Variants in INPP4B observed in about 807,000 individuals in gnomAD.
The protein encoded by INPP4B is inositol polyphosphate 4-phosphatase type II.
A neutral mutation model predicts 122.5 loss-of-function variants in INPP4B; 55 were observed. The ratio of observed to expected loss-of-function variants is 0.45; its 90% CI spans 0.36 to 0.56. The LOEUF (loss-of-function observed/expected upper bound fraction) is 0.56. Among genes scored for constraint, INPP4B ranks in the 20% least tolerant of loss-of-function variants. The pLI, the probability that INPP4B is intolerant of heterozygous loss-of-function variation, is 0.00. For synonymous variants in INPP4B, 403 were observed against 388.7 expected, an observed-to-expected ratio of 1.04 and a Z score of -0.43; for missense variants, 1,000 against 1,097.7, an observed-to-expected ratio of 0.91 and a Z score of 1.26.
At chr4:142,181,260 C>T (rs1422756129) in intron 15 of INPP4B, among the ~76,000 whole-genome samples, 1 of 152,086 alleles carries the variant, frequency 6.6e-6, no homozygotes, top group Non-Finnish European at 1.5e-5. Context: ...AAGGATGGCA[C>T]ATTGCATCCA....
At chr4:142,102,757 G>A (rs776607554) in intron 23 of INPP4B, among the ~76,000 whole-genome samples, 15 of 151,908 alleles carry the variant, frequency 9.9e-5, no homozygotes, top group Non-Finnish European at 2.1e-4. Context: ...TCTGTCTTAC[G>A]ACTTCTGGTT....
At chr4:142,619,665 T>A (rs1041553273) in intron 2 of INPP4B, among the ~76,000 whole-genome samples, 1 of 151,918 alleles carries the variant, frequency 6.6e-6, no homozygotes, top group Non-Finnish European at 1.5e-5. Context: ...TTATGCAAGG[T>A]TATTAAGTTC....
chr4:142,801,131 G>A (rs542717130), intron 1 of INPP4B, among the ~76,000 whole-genome samples: 1 of 152,116 alleles, frequency 6.6e-6, no homozygotes, highest in Non-Finnish European at 1.5e-5. Flanking sequence ...TAAAGAACAG[G>A]ATAGTTGCAA....
Position 142,123,395 on chromosome 4 carries a change from A to C in INPP4B, c.1914T>G (p.Gly638=). 6.2e-7 allele frequency: 1 copy of C among 1,611,866 alleles called. No homozygotes were observed. Among genetic ancestry groups the C allele is most frequent in the Non-Finnish European group, 8.5e-7 (1 of 1,179,140 alleles). Residue 638 remains glycine (G), a synonymous_variant, in exon 20 of 26, where the codon GGT becomes GGG. Coordinates refer to ENST00000262992, the MANE Select transcript of INPP4B (RefSeq NM_001101669.3). ...GACTTGTCTGTAATTTGATGATAAAACCACAAACCAATCCAGCAAGCTGAA... is the reference window on the plus strand; with the variant it reads ...GACTTGTCTGTAATTTGATGATAAACCCACAAACCAATCCAGCAAGCTGAA... ...FSQALAGLVC[G]FIIKLQTSLY...
chr4:142,773,021 G>C (rs1345322449), intron 1 of INPP4B, among the ~76,000 whole-genome samples: 1 of 151,984 alleles, frequency 6.6e-6, no homozygotes, highest in Non-Finnish European at 1.5e-5. Flanking sequence ...ACTCCAGCCT[G>C]GGTGACAGTG....
At chr4:142,246,169 T>C (rs1157067282) in intron 11 of INPP4B, among the ~76,000 whole-genome samples, 1 of 150,472 alleles carries the variant, frequency 6.6e-6, no homozygotes, top group Non-Finnish European at 1.5e-5. Flanking sequence ...TTGGTACCAG[T>C]ACCATGCTGT....
chr4:142,389,293 A>G (rs980737478), intron 7 of INPP4B, among the ~76,000 whole-genome samples: 3 of 151,978 alleles, frequency 2.0e-5, no homozygotes, highest in Non-Finnish European at 2.9e-5. Flanking sequence ...GGTAAATGAA[A>G]AATCTTACAA....
intron 2 of INPP4B, among the ~76,000 whole-genome samples, chr4:142,635,925 C>G (rs192356322): frequency 1.7e-3 from 255 of 152,238 alleles, no homozygotes; most frequent in African/African-American, 6.1e-3. Flanking sequence ...AACTGCATTT[C>G]TATATGCCAG....
At chr4:142,337,029 G>A (rs1032071099) in intron 7 of INPP4B, among the ~76,000 whole-genome samples, 1 of 151,944 alleles carries the variant, frequency 6.6e-6, no homozygotes, top group African/African-American at 2.4e-5. Flanking sequence ...AACAGTGTGG[G>A]TTTTCTTTTT....
rs539522940 is a variant in INPP4B at position 142,201,873 on chromosome 4, C to T, written c.1072+6552G>A. On this transcript the variant is annotated intron_variant, in intron 14 of 25. Coordinates refer to ENST00000262992, the MANE Select transcript of INPP4B (RefSeq NM_001101669.3). The stretch of plus-strand genomic sequence containing the variant: ...TTTACGATTTTTTGAACAGCTTTTA[C>T]CATGGCTATATCCTATTCTTTATGT... Among the ~76,000 whole-genome samples the T allele has an allele frequency of 2.9e-4, 44 of 152,012 alleles. 1 individual carries two copies. The highest frequency in any genetic ancestry group is 9.2e-4 in the African/African-American group (38 of 41,516).
intron 2 of INPP4B, among the ~76,000 whole-genome samples, chr4:142,480,684 G>C (rs774832117): frequency 6.6e-6 from 1 of 152,092 alleles, no homozygotes; most frequent in Non-Finnish European, 1.5e-5. Context: ...AATGAAGTGG[G>C]TAAAGCGAAT....
At chr4:142,841,978 T>C (rs1182208676) in intron 1 of INPP4B, among the ~76,000 whole-genome samples, 3 of 151,980 alleles carry the variant, frequency 2.0e-5, no homozygotes, top group African/African-American at 7.2e-5. Context: ...CACAGATAGA[T>C]AGATTGATAG....
intron 7 of INPP4B, among the ~76,000 whole-genome samples, chr4:142,400,265 A>G (rs939976042): frequency 5.3e-5 from 8 of 152,314 alleles, no homozygotes; most frequent in African/African-American, 1.9e-4. Context: ...TATTCAACCA[A>G]TATAGAAGAT....
At chr4:142,385,123 C>T (rs1391267988) in intron 7 of INPP4B, among the ~76,000 whole-genome samples, 4 of 152,132 alleles carry the variant, frequency 2.6e-5, no homozygotes, top group Admixed American at 2.0e-4. Flanking sequence ...TGGGTAAATA[C>T]ACAGTAACAG....
At chr4:142,322,173 C>T (rs979238897) in intron 7 of INPP4B, among the ~76,000 whole-genome samples, 7 of 151,864 alleles carry the variant, frequency 4.6e-5, no homozygotes, top group African/African-American at 1.2e-4. Context: ...TCTTAGATAA[C>T]GGTTTTCTAG....
At chr4:142,068,638 T>C (rs888025225) in intron 25 of INPP4B, among the ~76,000 whole-genome samples, 32 of 151,968 alleles carry the variant, frequency 2.1e-4, no homozygotes, top group South Asian at 6.2e-4. Flanking sequence ...TGGAGAAAGA[T>C]CTACCAAGCA....
At chr4:142,825,829 T>A (rs1425779126) in intron 1 of INPP4B, among the ~76,000 whole-genome samples, 1 of 152,108 alleles carries the variant, frequency 6.6e-6, no homozygotes, top group African/African-American at 2.4e-5. Flanking sequence ...CAAGTAGGCT[T>A]ATTTGGCTAT....
intron 25 of INPP4B, among the ~76,000 whole-genome samples, chr4:142,035,215 G>A (rs546306514): frequency 4.6e-5 from 7 of 152,176 alleles, no homozygotes; most frequent in African/African-American, 1.7e-4. Context: ...GATTCTACCT[G>A]GCCTCTTAGT....
In INPP4B at chr4:142,626,142, T is replaced by A. The variant is rs1008479147; in HGVS notation, c.-191+99697A>T. ...GCCAAAATTGACAAATGGGATCTCA[T>A]TAAACTAAAGAGCTTCTGCACAACA... is the stretch of plus-strand genomic sequence containing the variant. On this transcript the variant is annotated intron_variant, in intron 2 of 25. Coordinates refer to ENST00000262992, the MANE Select transcript of INPP4B (RefSeq NM_001101669.3). Among the ~76,000 whole-genome samples the A allele has an allele frequency of 4.6e-5, 7 of 152,222 alleles. No homozygotes were observed. The East Asian group carries it at 1.4e-3, about 29-fold the overall frequency.
Sources: gnomAD v4.1 joint callset for allele counts (sites outside exome capture counted in the v4.1 genomes callset) on GRCh38, gnomAD v4.1.1 for gene constraint, MANE v1.5 for transcripts, NCBI Gene and HGNC (gene_info 2026-07-23, HGNC 2026-07-21) for gene names.